Variants in RNF182 observed in about 807,000 individuals in gnomAD.
RNF182 encodes E3 ubiquitin-protein ligase RNF182.
RNF182 carries 15 observed loss-of-function variants against 14.4 expected under a neutral mutation model. That is an observed-to-expected ratio of 1.04 (90% CI 0.70 to 1.60). The LOEUF (loss-of-function observed/expected upper bound fraction) is 1.60, where lower values mean the gene tolerates loss of function less well. Among genes scored for constraint, RNF182 ranks in the 40% most tolerant of loss-of-function variants. The probability of loss-of-function intolerance (pLI) is 0.00; values close to 1 mark genes in which losing one functional copy is unlikely to be tolerated. For missense variants in RNF182, 268 were observed against 294.8 expected (o/e 0.91, Z 0.67); for synonymous variants, 128 against 122.9 (o/e 1.04, Z -0.27).
chr6:13,946,200 T>C (rs1382597577), intron 1 of RNF182, among the ~76,000 whole-genome samples: 1 of 144,848 alleles, frequency 6.9e-6, no homozygotes, highest in African/African-American at 2.6e-5. Flanking sequence ...AGAGTCCTGC[T>C]CTGTTGCCCA....
intron 1 of RNF182, among the ~76,000 whole-genome samples, chr6:13,929,646 C>T (rs146864506): frequency 6.6e-6 from 1 of 152,314 alleles, no homozygotes; most frequent in Admixed American, 6.5e-5. Flanking sequence ...CTCACAACAA[C>T]CCTTTGAAGT....
At chr6:13,930,912 T>C (rs578016790) in intron 1 of RNF182, among the ~76,000 whole-genome samples, 1 of 152,224 alleles carries the variant, frequency 6.6e-6, no homozygotes, top group Non-Finnish European at 1.5e-5. Flanking sequence ...AACCACAATC[T>C]GAATTTGACT....
Position 13,953,795 on chromosome 6 carries a change from C to A in RNF182, c.-366-20415C>A, listed in dbSNP as rs757964898. Among the ~76,000 whole-genome samples, 3 of 152,268 alleles carry A rather than the reference C, an allele frequency of 2.0e-5. No homozygotes were observed. The East Asian group carries it at 5.8e-4, about 29-fold the overall frequency. ...CATTGACCATCAAGCGTGGTAATGG[C>A]TGAGTTCCTTATGGGCTCCCCCTCT... is the stretch of plus-strand genomic sequence containing the variant. On this transcript the variant is annotated intron_variant, in intron 1 of 2. Coordinates refer to ENST00000488300, the MANE Select transcript of RNF182 (RefSeq NM_152737.4).
At chr6:13,965,534 G>A (rs547274583) in intron 1 of RNF182, among the ~76,000 whole-genome samples, 39 of 152,146 alleles carry the variant, frequency 2.6e-4, no homozygotes, top group Non-Finnish European at 4.9e-4. Flanking sequence ...AAAAGTTCTT[G>A]AACTATATAT....
At position 13,978,193 on chromosome 6, in the gene RNF182, C is replaced by A; in HGVS notation, c.*330C>A. 4.6e-6 allele frequency: 1 copy of A among 215,140 alleles called. No individual in the cohort carries two copies. The highest frequency in any genetic ancestry group is 1.0e-5 in the Non-Finnish European group (1 of 97,694). The allele number at this position is 215,140 out of a possible 1,614,324, so 13.3% of individuals were successfully genotyped here. ...TATACTATAGGGAGAGCATGGATCCCTCCTTTCGTATTCATGGATGTTCTA... is the reference window on the plus strand; with the variant it reads ...TATACTATAGGGAGAGCATGGATCCATCCTTTCGTATTCATGGATGTTCTA... On this transcript the variant is annotated 3_prime_UTR_variant, in exon 3 of 3. Transcript: ENST00000488300.
intron 1 of RNF182, among the ~76,000 whole-genome samples, chr6:13,927,318 A>G (rs902678219): frequency 3.9e-5 from 6 of 152,228 alleles, no homozygotes; most frequent in Non-Finnish European, 7.3e-5. Context: ...GCAAACAGCA[A>G]TTGTGTTTTC....
intron 1 of RNF182, among the ~76,000 whole-genome samples, chr6:13,938,552 T>A (rs280150): frequency 0.34 from 51,419 of 152,078 alleles, 10,812 homozygotes; most frequent in Admixed American, 0.49. Flanking sequence ...TATTCTCCTA[T>A]GCTACCAAGA....
intron 1 of RNF182, among the ~76,000 whole-genome samples, chr6:13,958,389 T>A (rs1168724391): frequency 1.3e-5 from 2 of 151,612 alleles, no homozygotes; most frequent in Non-Finnish European, 2.9e-5. Context: ...CATCTCAAAA[T>A]AATAATAATA....
At chr6:13,951,352 G>C (rs1759586629) in intron 1 of RNF182, among the ~76,000 whole-genome samples, 1 of 152,154 alleles carries the variant, frequency 6.6e-6, no homozygotes, top group African/African-American at 2.4e-5. Flanking sequence ...CCAAAATTAA[G>C]AGCCCCATTT....
chr6:13,976,706 A>G (rs80155151), intron 2 of RNF182, among the ~76,000 whole-genome samples: 147 of 152,306 alleles, frequency 9.7e-4, no homozygotes, highest in African/African-American at 3.3e-3. Flanking sequence ...CTTCACTATC[A>G]TGCTTGTTGA....
chr6:13,937,806 C>G (rs2113590817), intron 1 of RNF182, among the ~76,000 whole-genome samples: 1 of 152,222 alleles, frequency 6.6e-6, no homozygotes, highest in Non-Finnish European at 1.5e-5. Context: ...CTAGTTGTTT[C>G]TCATTCTTGC....
At chr6:13,955,173 G>A (rs1048876123) in intron 1 of RNF182, among the ~76,000 whole-genome samples, 19 of 152,182 alleles carry the variant, frequency 1.2e-4, no homozygotes, top group Admixed American at 2.0e-4. Flanking sequence ...GGAATGCAGC[G>A]TTGGACGGGA....
At chr6:13,951,312 CAGGCATGGTTGGA>C (rs1759585666) in intron 1 of RNF182, among the ~76,000 whole-genome samples, 1 of 152,196 alleles carries the variant, frequency 6.6e-6, no homozygotes, top group African/African-American at 2.4e-5. Context: ...GCCTAATAAG[CAGGCATGGTTGGA>C]AGGCAAAACA....
At position 13,972,449 on chromosome 6, in the gene RNF182, G is replaced by A. The variant is rs183117062; in HGVS notation, c.-366-1761G>A. ...AGTAATGAGGAGCCAAATGTTAATT[G>A]CCAAGACAATGGGGAAAATGTCTCT... On this transcript the variant is annotated intron_variant, in intron 1 of 2. Transcript: ENST00000488300. Among the ~76,000 whole-genome samples, 563 of 152,250 alleles carry A rather than the reference G, an allele frequency of 3.7e-3. 1 individual carries two copies. The highest frequency in any genetic ancestry group is 5.9e-3 in the Non-Finnish European group (401 of 68,008).
At chr6:13,947,966 GAGAA>G (rs1759480929) in intron 1 of RNF182, among the ~76,000 whole-genome samples, 2 of 152,214 alleles carry the variant, frequency 1.3e-5, no homozygotes, top group South Asian at 4.1e-4. Flanking sequence ...ATCAGGTAGA[GAGAA>G]AGAAATGTGC....
Position 13,978,598 on chromosome 6 carries a change from G to A in RNF182, c.*735G>A, listed in dbSNP as rs1451991017. 6 of 166,968 alleles carry A rather than the reference G, an allele frequency of 3.6e-5. No individual in the cohort carries two copies. The East Asian group carries it at 1.2e-3, about 32-fold the overall frequency. 10.3% of individuals were successfully genotyped at this position (166,968 alleles called of 1,614,324 possible). On this transcript the variant is annotated 3_prime_UTR_variant, in exon 3 of 3. Transcript: ENST00000488300. The stretch of plus-strand genomic sequence containing the variant: ...TCCTCAGTCTTATCTGAGAAGAATG[G>A]AGGAGAAGGAACTTCTCATACAGCG...
In RNF182 at chr6:13,960,696, C is replaced by CGT. The variant is rs1268160940; in HGVS notation, c.-366-13513_-366-13512insTG. On this transcript the variant is annotated intron_variant, in intron 1 of 2. Transcript: ENST00000488300. ...GTGTGTGTGTGTGTGTGTGTGTGCG[C>CGT]GCGTGCACATGCATGTGATGTACAG... Among the ~76,000 whole-genome samples the CGT allele has an allele frequency of 2.4e-5, 3 of 126,070 alleles. No individual in the cohort carries two copies. The East Asian group carries it at 6.4e-4, about 27-fold the overall frequency. 82.7% of individuals were successfully genotyped at this position (126,070 alleles called of 152,430 possible).
At chr6:13,954,339 T>C (rs1027720136) in intron 1 of RNF182, among the ~76,000 whole-genome samples, 19 of 152,212 alleles carry the variant, frequency 1.2e-4, no homozygotes, top group African/African-American at 4.1e-4. Context: ...CCTTATTGTC[T>C]TGTAAATTCT....
chr6:13,927,355 A>C (rs1758855591), intron 1 of RNF182, among the ~76,000 whole-genome samples: 2 of 152,232 alleles, frequency 1.3e-5, no homozygotes, highest in Non-Finnish European at 1.5e-5. Flanking sequence ...ACCTGGTGGA[A>C]GCAGGCAACA....
Sources: allele counts gnomAD v4.1 joint callset (sites outside exome capture counted in the v4.1 genomes callset), GRCh38; gene constraint gnomAD v4.1.1; transcripts MANE v1.5; gene names NCBI Gene and HGNC (gene_info 2026-07-23, HGNC 2026-07-21).